VEGFC: variants seen among roughly 807,000 people sequenced by gnomAD.
The protein encoded by VEGFC is FLT4 ligand DHM.
A neutral mutation model predicts 46.1 loss-of-function variants in VEGFC; 12 were observed. The observed-to-expected ratio is 0.26, with a 90% CI of 0.17 to 0.42. The LOEUF (loss-of-function observed/expected upper bound fraction) is 0.42, where lower values mean the gene tolerates loss of function less well. Ranked by LOEUF, VEGFC falls within the 10% of genes least tolerant of loss-of-function variation. The pLI is 1.00. For synonymous variants in VEGFC, 232 were observed against 195.5 expected (o/e 1.19, Z -1.56); for missense variants, 488 against 529.4 (o/e 0.92, Z 0.77).
At chr4:176,702,183 A>C (rs745846135) in intron 4 of VEGFC, among the ~76,000 whole-genome samples, 8 of 152,182 alleles carry the variant, frequency 5.3e-5, no homozygotes, top group Non-Finnish European at 1.0e-4. Flanking sequence ...CATAAGAATA[A>C]AATCTTCTTA....
intron 1 of VEGFC, among the ~76,000 whole-genome samples, chr4:176,751,337 T>A (rs186985987): frequency 6.6e-6 from 1 of 151,972 alleles, no homozygotes; most frequent in Admixed American, 6.6e-5. Flanking sequence ...ATGGCAAAAA[T>A]CATAAGGGAC....
At chr4:176,784,756 C>CAAAAAAAA (rs5864405) in intron 1 of VEGFC, among the ~76,000 whole-genome samples, 1 of 22,992 alleles carries the variant, frequency 4.3e-5, no homozygotes, top group African/African-American at 8.9e-5. Flanking sequence ...GAGTCTGTCT[C>CAAAAAAAA]AAAAAAAAAA....
chr4:176,742,280 C>T (rs546544020), intron 1 of VEGFC, among the ~76,000 whole-genome samples: 17 of 152,110 alleles, frequency 1.1e-4, no homozygotes, highest in Non-Finnish European at 2.2e-4. Context: ...CTTTTACGGA[C>T]GCATAGTATT....
chr4:176,771,683 C>T (rs1409231132), intron 1 of VEGFC, among the ~76,000 whole-genome samples: 3 of 152,172 alleles, frequency 2.0e-5, no homozygotes, highest in Non-Finnish European at 4.4e-5. Flanking sequence ...GGTACCAGTG[C>T]TGTGGACACG....
intron 1 of VEGFC, among the ~76,000 whole-genome samples, chr4:176,777,405 T>G (rs530444801): frequency 6.6e-6 from 1 of 152,242 alleles, no homozygotes; most frequent in Non-Finnish European, 1.5e-5. Context: ...TTCTTGTCTA[T>G]ATTCATATAC....
At chr4:176,721,819 G>A (rs929433503) in intron 3 of VEGFC, among the ~76,000 whole-genome samples, 1 of 152,124 alleles carries the variant, frequency 6.6e-6, no homozygotes, top group Admixed American at 6.5e-5. Flanking sequence ...ACAAGGTTGA[G>A]TGGACAGTAT....
At chr4:176,736,747 T>G (rs944018301) in intron 1 of VEGFC, among the ~76,000 whole-genome samples, 1 of 151,808 alleles carries the variant, frequency 6.6e-6, no homozygotes, top group Non-Finnish European at 1.5e-5. Flanking sequence ...TAATTTTGCA[T>G]AATTGTTTGT....
chr4:176,694,103 T>C (rs1175982521), intron 4 of VEGFC, among the ~76,000 whole-genome samples: 2 of 150,960 alleles, frequency 1.3e-5, no homozygotes, highest in Admixed American at 1.3e-4. Context: ...AACATCATAA[T>C]GACAGGATCA....
chr4:176,773,413 C>A (rs899794041), intron 1 of VEGFC, among the ~76,000 whole-genome samples: 1 of 152,120 alleles, frequency 6.6e-6, no homozygotes, highest in African/African-American at 2.4e-5. Flanking sequence ...TACACACAAA[C>A]AAATCCCATT....
chr4:176,772,768 A>C (rs4260480), intron 1 of VEGFC, among the ~76,000 whole-genome samples: 125,583 of 152,084 alleles, frequency 0.83, 53,424 homozygotes, highest in East Asian at 1. Flanking sequence ...CACTCTGGAG[A>C]AATCTCTCCT....
intron 1 of VEGFC, among the ~76,000 whole-genome samples, chr4:176,784,271 T>C (rs780472462): frequency 3.3e-5 from 5 of 151,818 alleles, no homozygotes; most frequent in African/African-American, 4.8e-5. Context: ...GTTTTCCCCA[T>C]GTTGCTCAGG....
chr4:176,687,852 T>G lies in VEGFC; in HGVS notation c.780A>C (p.Glu260Asp), dbSNP rs1291357207. The G allele has an allele frequency of 1.9e-6, 3 of 1,613,250 alleles. No homozygotes were observed. The highest frequency in any genetic ancestry group is 2.5e-6 in the Non-Finnish European group (3 of 1,179,714). ...CAGCATCCGAGGAAAACATAAAATC[T>G]TCCTGAGCCAGGCATCTGCAGATGT... The part of the protein sequence containing the change: ...NNHICRCLAQ[E>D]DFMFSSDAGD... The change falls in exon 5 of 7, where the codon GAA (glutamate) becomes GAC (aspartate). Residue 260 changes from glutamate (E) to aspartate (D), a missense_variant. Physicochemically the swap from Glu to Asp is conservative, Grantham distance 45. Coordinates refer to ENST00000618562, the MANE Select transcript of VEGFC (RefSeq NM_005429.5).
intron 1 of VEGFC, among the ~76,000 whole-genome samples, chr4:176,777,227 C>G (rs6817747): frequency 0.86 from 130,565 of 152,130 alleles, 56,878 homozygotes; most frequent in East Asian, 1. Context: ...TGAGGCAGGA[C>G]AATGGCTTGA....
At chr4:176,757,773 TA>T (rs1735460541) in intron 1 of VEGFC, among the ~76,000 whole-genome samples, 1 of 152,088 alleles carries the variant, frequency 6.6e-6, no homozygotes, top group South Asian at 2.1e-4. Context: ...TAATTATCCT[TA>T]TGTTTAAAGA....
chr4:176,774,651 A>G (rs17063735), intron 1 of VEGFC, among the ~76,000 whole-genome samples: 1,660 of 152,324 alleles, frequency 0.011, 22 homozygotes, highest in Middle Eastern at 0.099. Flanking sequence ...TATACACTCA[A>G]TAAGTAAAAA....
intron 4 of VEGFC, among the ~76,000 whole-genome samples, chr4:176,695,181 A>G (rs962405431): frequency 2.5e-4 from 38 of 152,164 alleles, no homozygotes; most frequent in Admixed American, 1.9e-3. Flanking sequence ...AAAATTAATG[A>G]ATCCAGGAGC....
chr4:176,781,617 T>C (rs1735917557), intron 1 of VEGFC, among the ~76,000 whole-genome samples: 1 of 152,212 alleles, frequency 6.6e-6, no homozygotes, highest in Admixed American at 6.5e-5. Flanking sequence ...GGCAGCTGTG[T>C]GGTCACTTCA....
chr4:176,779,631 T>C (rs1735873094), intron 1 of VEGFC, among the ~76,000 whole-genome samples: 1 of 151,960 alleles, frequency 6.6e-6, no homozygotes, highest in Non-Finnish European at 1.5e-5. Context: ...TAAGTTACAA[T>C]CACTTTTAAC....
rs957300510 is a variant in VEGFC at position 176,756,044 on chromosome 4, G to A, written c.148-26298C>T. On this transcript the variant is annotated intron_variant, in intron 1 of 6. Transcript: ENST00000618562. ...TGTGATGTAGACATCAAAGACTATA[G>A]GTAAAGTTCTAAGGTCTGAAACACA... 3.9e-4 allele frequency among the ~76,000 whole-genome samples: 60 copies of A among 151,924 alleles called. 1 individual carries two copies. The highest frequency in any genetic ancestry group is 5.9e-5 in the Non-Finnish European group (4 of 67,952).
Sources: allele counts gnomAD v4.1 joint callset (sites outside exome capture counted in the v4.1 genomes callset), GRCh38; gene constraint gnomAD v4.1.1; transcripts MANE v1.5; gene names NCBI Gene and HGNC (gene_info 2026-07-23, HGNC 2026-07-21).